The following SLIT2 variants were observed in gnomAD, a reference collection of about 807,000 sequenced individuals.
SLIT2 encodes slit guidance ligand 2, also known as slit homolog 2 protein.
A neutral mutation model predicts 185.7 loss-of-function variants in SLIT2; 41 were observed. That is an observed-to-expected ratio of 0.22 (90% CI 0.17 to 0.29). The LOEUF is 0.29. Among genes scored for constraint, SLIT2 ranks in the 10% least tolerant of loss-of-function variants. The pLI is 1.00. For synonymous variants in SLIT2, 693 were observed against 680.2 expected (o/e 1.02, Z -0.29); for missense variants, 1,571 against 1,909.0 (o/e 0.82, Z 3.30).
chr4:20,373,051 A>G (rs1723728731), intron 4 of SLIT2, among the ~76,000 whole-genome samples: 1 of 152,100 alleles, frequency 6.6e-6, no homozygotes, highest in Non-Finnish European at 1.5e-5. Flanking sequence ...CATTATATTT[A>G]TATGTGAAGC....
chr4:20,321,612 GT>G (rs1370210124), intron 4 of SLIT2, among the ~76,000 whole-genome samples: 1 of 152,156 alleles, frequency 6.6e-6, no homozygotes, highest in Non-Finnish European at 1.5e-5. Context: ...GAGAAGTACT[GT>G]GTAATACTGG....
At chr4:20,417,201 C>G (rs1251878771) in intron 4 of SLIT2, among the ~76,000 whole-genome samples, 1 of 151,860 alleles carries the variant, frequency 6.6e-6, no homozygotes, top group Admixed American at 6.6e-5. Context: ...CATTTATTGT[C>G]TGACTCATCC....
chr4:20,318,646 T>A (rs891221298), intron 4 of SLIT2, among the ~76,000 whole-genome samples: 1 of 152,036 alleles, frequency 6.6e-6, no homozygotes, highest in African/African-American at 2.4e-5. Context: ...CATTTTTTTT[T>A]CCTTCTCAGT....
At chr4:20,492,265 A>T in intron 9 of SLIT2, among the ~76,000 whole-genome samples, 1 of 152,236 alleles carries the variant, frequency 6.6e-6, no homozygotes, top group East Asian at 1.9e-4. Flanking sequence ...CCACAGAAAC[A>T]ATACAGTTAG....
intron 4 of SLIT2, among the ~76,000 whole-genome samples, chr4:20,335,489 A>G (rs748610939): frequency 2.0e-5 from 3 of 152,206 alleles, no homozygotes; most frequent in Non-Finnish European, 4.4e-5. Flanking sequence ...TATTGAGCTT[A>G]TATTATGTAA....
At chr4:20,555,143 C>T (rs763959247) in intron 26 of SLIT2, among the ~76,000 whole-genome samples, 2 of 152,038 alleles carry the variant, frequency 1.3e-5, no homozygotes, top group Non-Finnish European at 2.9e-5. Flanking sequence ...TGTTAAATGT[C>T]TAATCAGAAA....
intron 4 of SLIT2, among the ~76,000 whole-genome samples, chr4:20,353,094 T>A (rs1459791294): frequency 6.6e-6 from 1 of 152,310 alleles, no homozygotes; most frequent in East Asian, 1.9e-4. Context: ...GCCTTTGTTC[T>A]AGATTAGAGC....
chr4:20,494,027 G>A (rs1330671960), intron 9 of SLIT2, among the ~76,000 whole-genome samples: 1 of 152,216 alleles, frequency 6.6e-6, no homozygotes, highest in Non-Finnish European at 1.5e-5. Context: ...TTCATGGATG[G>A]TCATGTTGAT....
chr4:20,355,219 A>C (rs1197437822), intron 4 of SLIT2, among the ~76,000 whole-genome samples: 1 of 152,170 alleles, frequency 6.6e-6, no homozygotes, highest in Non-Finnish European at 1.5e-5. Flanking sequence ...TTCTGGCTGA[A>C]TGAATATTAA....
intron 35 of SLIT2, 94 bp downstream of exon 35, chr4:20,617,292 A>C (rs1458382985): frequency 2.2e-5 from 10 of 460,902 alleles, no homozygotes; most frequent in African/African-American, 2.2e-5. Flanking sequence ...GGGGACGGGA[A>C]GGGAGGGGAG....
At chr4:20,540,198 G>T (rs1395486810) in intron 19 of SLIT2, among the ~76,000 whole-genome samples, 5 of 152,018 alleles carry the variant, frequency 3.3e-5, no homozygotes, top group African/African-American at 1.2e-4. Context: ...TGAGGCAGGA[G>T]AATTGCTTGA....
At position 20,553,896 on chromosome 4, in the gene SLIT2, C is replaced by T. The variant is rs773585950; in HGVS notation, c.2653C>T (p.Arg885Cys). 17 of 1,612,848 alleles carry T rather than the reference C, an allele frequency of 1.1e-5. No individual in the cohort carries two copies. The highest frequency in any genetic ancestry group is 6.7e-5 in the East Asian group (3 of 44,856). The change falls in exon 26 of 37, where the codon CGT becomes TGT. Residue 885 changes from arginine (R) to cysteine (C), a missense_variant. By Grantham distance (180) the Arg-to-Cys change is radical (BLOSUM62 -3). Transcript: ENST00000504154. ...GGAATATAAGGAGCCTGGAATTGCT[C>T]GTTGTGCTGGTCCTGGAGAAATGGC... The part of the protein sequence containing the change: ...KSEYKEPGIA[R>C]CAGPGEMADK...
At chr4:20,554,435 C>T in intron 26 of SLIT2, 1 of 421,516 alleles carries the variant, frequency 2.4e-6, no homozygotes, top group Non-Finnish European at 4.9e-6. Flanking sequence ...TTGTTTCTTG[C>T]TTGTTTGTAT....
At chr4:20,481,310 C>T (rs150033552) in intron 6 of SLIT2, among the ~76,000 whole-genome samples, 227 of 152,232 alleles carry the variant, frequency 1.5e-3, no homozygotes, top group African/African-American at 5.1e-3. Context: ...ATGTACAACA[C>T]GCAGACTTGA....
At chr4:20,544,526 A>T (rs1032263857) in intron 21 of SLIT2, among the ~76,000 whole-genome samples, 1 of 152,158 alleles carries the variant, frequency 6.6e-6, no homozygotes, top group Non-Finnish European at 1.5e-5. Flanking sequence ...TGTCATAGAG[A>T]TGAGAAAAAT....
At chr4:20,618,699 A>T (rs1729865113) in intron 36 of SLIT2, 69 bp from the exon 37 acceptor site, 1 of 1,471,392 alleles carries the variant, frequency 6.8e-7, no homozygotes, top group African/African-American at 1.4e-5. Context: ...TAAGTTGTGG[A>T]TTCACAGTCA....
chr4:20,524,693 G>C (rs555256931), intron 14 of SLIT2, among the ~76,000 whole-genome samples: 1 of 152,120 alleles, frequency 6.6e-6, no homozygotes, highest in Non-Finnish European at 1.5e-5. Context: ...GCATACAACC[G>C]TGAGGATGCG....
chr4:20,593,686 T>C (rs944241803), intron 30 of SLIT2, among the ~76,000 whole-genome samples: 2 of 152,166 alleles, frequency 1.3e-5, no homozygotes, highest in Non-Finnish European at 2.9e-5. Context: ...TTAGCTTGAC[T>C]GTGGTAATTA....
At chr4:20,269,763 G>T (rs1713407876) in intron 4 of SLIT2, among the ~76,000 whole-genome samples, 1 of 151,926 alleles carries the variant, frequency 6.6e-6, no homozygotes, top group Admixed American at 6.6e-5. Flanking sequence ...TAGAGAAAGT[G>T]AGCATAGTTC....
Sources: gnomAD v4.1 joint callset for allele counts (sites outside exome capture counted in the v4.1 genomes callset) on GRCh38, gnomAD v4.1.1 for gene constraint, MANE v1.5 for transcripts, NCBI Gene and HGNC (gene_info 2026-07-23, HGNC 2026-07-21) for gene names.